The following SYN3 variants were observed in gnomAD, a reference collection of about 807,000 sequenced individuals.
The protein encoded by SYN3 is synapsin III, also known as synapsin-3.
In SYN3, 35 loss-of-function variants were observed where a neutral mutation model predicts 65.8. That is an observed-to-expected ratio of 0.53 (90% CI 0.41 to 0.70). The LOEUF is 0.70. Among genes scored for constraint, SYN3 ranks in the 30% least tolerant of loss-of-function variants. The probability of loss-of-function intolerance (pLI) is 0.00; values close to 1 mark genes in which losing one functional copy is unlikely to be tolerated. For missense variants in SYN3, 680 were observed against 749.0 expected (o/e 0.91, Z 1.08); for synonymous variants, 270 against 292.9 (o/e 0.92, Z 0.80).
intron 3 of SYN3, among the ~76,000 whole-genome samples, chr22:32,952,621 T>C (rs2051325516): frequency 6.6e-6 from 1 of 152,024 alleles, no homozygotes; most frequent in Admixed American, 6.6e-5. Context: ...CCAGGTGTGG[T>C]GGTGCATGCC....
At chr22:32,536,919 C>T (rs135472) in intron 9 of SYN3, among the ~76,000 whole-genome samples, 62,510 of 151,984 alleles carry the variant, frequency 0.41, 13,200 homozygotes, top group East Asian at 0.71. Context: ...GTGTGGTAGC[C>T]CTTGCAACCG....
At chr22:32,791,731 C>T (rs146388974) in intron 6 of SYN3, among the ~76,000 whole-genome samples, 24 of 151,834 alleles carry the variant, frequency 1.6e-4, no homozygotes, top group African/African-American at 4.1e-4. Context: ...GTTTTCACTG[C>T]GGATGTGAAA....
At chr22:32,780,966 C>CTTCT (rs2046037993) in intron 6 of SYN3, among the ~76,000 whole-genome samples, 2 of 88,896 alleles carry the variant, frequency 2.2e-5, no homozygotes, top group Non-Finnish European at 5.1e-5. Flanking sequence ...TCCTTCCTTC[C>CTTCT]TTCCTTCCTT....
intron 6 of SYN3, among the ~76,000 whole-genome samples, chr22:32,679,529 C>CTTTTAT (rs372205097): frequency 2.0e-5 from 3 of 152,048 alleles, no homozygotes; most frequent in African/African-American, 7.2e-5. Flanking sequence ...GGTAGTTCTA[C>CTTTTAT]TTTTATTTTT....
At chr22:32,637,520 C>T (rs1331415626) in intron 6 of SYN3, among the ~76,000 whole-genome samples, 1 of 151,222 alleles carries the variant, frequency 6.6e-6, no homozygotes, top group African/African-American at 2.4e-5. Flanking sequence ...ACATGTGCAG[C>T]TTTGTTACCT....
chr22:32,640,805 T>G (rs2059885877), intron 6 of SYN3, among the ~76,000 whole-genome samples: 2 of 152,012 alleles, frequency 1.3e-5, no homozygotes, highest in African/African-American at 4.8e-5. Context: ...AGGCAGAGAT[T>G]GCAGTGAGCG....
chr22:32,991,812 A>C (rs2145720956), intron 2 of SYN3, among the ~76,000 whole-genome samples: 1 of 152,336 alleles, frequency 6.6e-6, no homozygotes, highest in East Asian at 1.9e-4. Context: ...CAGGGCAGAA[A>C]GTCAGGAAAA....
chr22:32,603,214 T>C (rs1237890772), intron 6 of SYN3, among the ~76,000 whole-genome samples: 1 of 151,756 alleles, frequency 6.6e-6, no homozygotes, highest in Non-Finnish European at 1.5e-5. Flanking sequence ...ATGTTATAGA[T>C]AACAAAACAC....
intron 6 of SYN3, among the ~76,000 whole-genome samples, chr22:32,643,563 G>GGAGGA (rs2059936813): frequency 8.9e-6 from 1 of 112,364 alleles, no homozygotes; most frequent in Non-Finnish European, 1.8e-5. Context: ...GGGGCGGGGG[G>GGAGGA]GGCAGAACAG....
In SYN3 at chr22:33,057,047, T is replaced by C. The variant is rs2054265936; in HGVS notation, c.-163+1245A>G. On this transcript the variant is annotated intron_variant, in intron 1 of 13. Coordinates refer to ENST00000358763, the MANE Select transcript of SYN3 (RefSeq NM_003490.4). ...AAGCAAGCATTACACGGGCAGCATC[T>C]CTTTGCCTGAATCCATGTCCAGAAG... Among the ~76,000 whole-genome samples, 5 of 152,294 alleles carry C rather than the reference T, an allele frequency of 3.3e-5. No individual in the cohort carries two copies. The South Asian group carries it at 1.0e-3, about 32-fold the overall frequency.
chr22:32,772,722 C>G (rs2045806953), intron 6 of SYN3, among the ~76,000 whole-genome samples: 1 of 152,004 alleles, frequency 6.6e-6, no homozygotes, highest in Non-Finnish European at 1.5e-5. Flanking sequence ...GACCATGAGG[C>G]CAGAGGTTGG....
At chr22:32,750,908 G>A (rs965172141) in intron 6 of SYN3, among the ~76,000 whole-genome samples, 1 of 152,098 alleles carries the variant, frequency 6.6e-6, no homozygotes, top group Non-Finnish European at 1.5e-5. Context: ...AAGATCAGGA[G>A]TTCAGTTCTG....
At chr22:32,681,600 A>G (rs1162517692) in intron 6 of SYN3, among the ~76,000 whole-genome samples, 3 of 152,234 alleles carry the variant, frequency 2.0e-5, no homozygotes, top group Non-Finnish European at 4.4e-5. Flanking sequence ...GACCAGGAAG[A>G]CAGTGCTTTC....
At chr22:32,568,834 A>G (rs894248787) in intron 7 of SYN3, among the ~76,000 whole-genome samples, 1 of 152,188 alleles carries the variant, frequency 6.6e-6, no homozygotes, top group African/African-American at 2.4e-5. Flanking sequence ...AAGACTTTGA[A>G]AGACACAACC....
At chr22:32,904,453 G>C (rs1021401563) in intron 4 of SYN3, among the ~76,000 whole-genome samples, 1 of 152,108 alleles carries the variant, frequency 6.6e-6, no homozygotes, top group Non-Finnish European at 1.5e-5. Flanking sequence ...GAAGAAGGTC[G>C]TCTGCTGAAT....
chr22:32,794,610 AGCACCTGGATTT>A (rs1602163800), intron 6 of SYN3, among the ~76,000 whole-genome samples: 1 of 152,238 alleles, frequency 6.6e-6, no homozygotes, highest in East Asian at 1.9e-4. Context: ...CAGTCACAGA[AGCACCTGGATTT>A]GCTCGATATC....
At chr22:32,892,672 G>A (rs1180083092) in intron 4 of SYN3, among the ~76,000 whole-genome samples, 2 of 152,102 alleles carry the variant, frequency 1.3e-5, no homozygotes, top group Non-Finnish European at 2.9e-5. Flanking sequence ...CATATAAACT[G>A]GATACCACAG....
At chr22:32,990,475 T>A (rs1283536397) in intron 2 of SYN3, among the ~76,000 whole-genome samples, 1 of 151,172 alleles carries the variant, frequency 6.6e-6, no homozygotes, top group African/African-American at 2.4e-5. Context: ...TACCCACCCA[T>A]CTACCCATCC....
chr22:32,988,255 CA>C (rs1359739424), intron 2 of SYN3, among the ~76,000 whole-genome samples: 2 of 151,304 alleles, frequency 1.3e-5, no homozygotes, highest in African/African-American at 2.4e-5. Context: ...TGCAGTGAGC[CA>C]AGATCTCGCC....
Sources: gnomAD v4.1 joint callset for allele counts (sites outside exome capture counted in the v4.1 genomes callset) on GRCh38, gnomAD v4.1.1 for gene constraint, MANE v1.5 for transcripts, NCBI Gene and HGNC (gene_info 2026-07-23, HGNC 2026-07-21) for gene names.